The following SGCD variants were observed in gnomAD, a reference collection of about 807,000 sequenced individuals.
SGCD encodes the protein sarcoglycan delta, also known as delta-sarcoglycan.
Under a neutral mutation model 36.6 loss-of-function variants are expected in SGCD, and 18 were observed. The ratio of observed to expected loss-of-function variants is 0.49; its 90% CI spans 0.34 to 0.73. The LOEUF is 0.73. SGCD is among the 30% of genes least tolerant of loss of function. SGCD has a pLI of 0.01. For missense variants in SGCD, 387 were observed against 346.7 expected (o/e 1.12, Z -0.92); for synonymous variants, 133 against 130.6 (o/e 1.02, Z -0.12).
intron 4 of SGCD, among the ~76,000 whole-genome samples, chr5:156,520,056 G>C (rs180806518): frequency 1.3e-5 from 2 of 152,142 alleles, no homozygotes; most frequent in African/African-American, 4.8e-5. Context: ...TATTCAAATA[G>C]GAAGAGAGGA....
At chr5:156,662,245 T>C (rs1234113657) in intron 7 of SGCD, among the ~76,000 whole-genome samples, 55 of 127,370 alleles carry the variant, frequency 4.3e-4, no homozygotes, top group East Asian at 6.9e-4. Context: ...CTTATTTCTA[T>C]TTTTTGTGGC....
At chr5:156,524,727 T>A (rs1481016497) in intron 4 of SGCD, among the ~76,000 whole-genome samples, 1 of 152,018 alleles carries the variant, frequency 6.6e-6, no homozygotes, top group African/African-American at 2.4e-5. Flanking sequence ...TACTCTTTGA[T>A]GAACATCTTG....
At chr5:156,349,325 T>C (rs1196214956) in intron 3 of SGCD, among the ~76,000 whole-genome samples, 2 of 151,490 alleles carry the variant, frequency 1.3e-5, no homozygotes, top group Non-Finnish European at 2.9e-5. Flanking sequence ...ACCTATGAAG[T>C]GGGAGAAAAA....
At chr5:156,121,774 G>C (rs1475482299) in intron 2 of SGCD, among the ~76,000 whole-genome samples, 1 of 152,106 alleles carries the variant, frequency 6.6e-6, no homozygotes, top group East Asian at 1.9e-4. Flanking sequence ...TCTAACCCTG[G>C]ATTCCTTTAC....
At chr5:156,445,052 G>C (rs893959574) in intron 3 of SGCD, among the ~76,000 whole-genome samples, 2 of 152,178 alleles carry the variant, frequency 1.3e-5, no homozygotes, top group Non-Finnish European at 2.9e-5. Context: ...CCCAGTGAAT[G>C]TTCCCGCAGA....
intron 3 of SGCD, among the ~76,000 whole-genome samples, chr5:156,236,457 T>C (rs1311431998): frequency 6.6e-6 from 1 of 151,846 alleles, no homozygotes; most frequent in Non-Finnish European, 1.5e-5. Flanking sequence ...TATACTTTTT[T>C]TTTTTTTTTT....
At chr5:156,310,923 T>C (rs753194067) in intron 3 of SGCD, among the ~76,000 whole-genome samples, 3 of 152,138 alleles carry the variant, frequency 2.0e-5, no homozygotes, top group Non-Finnish European at 4.4e-5. Context: ...CCAGGGGACA[T>C]GCTAGTGAGT....
chr5:156,613,579 A>T (rs1363495432), intron 6 of SGCD, among the ~76,000 whole-genome samples: 1 of 152,188 alleles, frequency 6.6e-6, no homozygotes, highest in Non-Finnish European at 1.5e-5. Context: ...GGATCTCAAA[A>T]ATATGGTCCT....
At chr5:155,768,823 G>T in the SGCD span, among the ~76,000 whole-genome samples, 1 of 152,146 alleles carries the variant, frequency 6.6e-6, no homozygotes, top group East Asian at 1.9e-4. Context: ...ATGCGGCTCA[G>T]TGAAAGGGTA....
At chr5:156,351,943 C>T (rs1257040047) in intron 3 of SGCD, among the ~76,000 whole-genome samples, 2 of 151,894 alleles carry the variant, frequency 1.3e-5, no homozygotes, top group African/African-American at 4.8e-5. Flanking sequence ...AACTACATTG[C>T]CTTTCTCTTC....
chr5:156,618,883 C>G (rs1422282314), intron 6 of SGCD, among the ~76,000 whole-genome samples: 1 of 152,080 alleles, frequency 6.6e-6, no homozygotes, highest in Non-Finnish European at 1.5e-5. Flanking sequence ...GCAGACCTTC[C>G]CAGCTGCTCA....
the SGCD span, among the ~76,000 whole-genome samples, chr5:155,735,095 G>T: frequency 2.6e-5 from 4 of 152,170 alleles, no homozygotes; most frequent in African/African-American, 9.7e-5. Flanking sequence ...TTGAAACTTT[G>T]AGCTAATTCT....
chr5:155,880,599 A>G (rs371076251), intron 1 of SGCD, among the ~76,000 whole-genome samples: 11 of 152,278 alleles, frequency 7.2e-5, no homozygotes, highest in African/African-American at 2.6e-4. Context: ...ACATAATATT[A>G]CCATGTATTG....
intron 3 of SGCD, among the ~76,000 whole-genome samples, chr5:156,203,836 A>T (rs1194150669): frequency 2.6e-5 from 4 of 152,142 alleles, no homozygotes; most frequent in Non-Finnish European, 5.9e-5. Flanking sequence ...CAGTACTATG[A>T]CATAGCATAA....
the SGCD span, among the ~76,000 whole-genome samples, chr5:155,844,134 T>C: frequency 1.4e-4 from 21 of 152,176 alleles, 1 homozygote; most frequent in African/African-American, 1.4e-4. Context: ...ACAATCAGCT[T>C]GTGAAGGCCT....
intron 1 of SGCD, among the ~76,000 whole-genome samples, chr5:155,992,749 T>C (rs1758458898): frequency 6.6e-6 from 1 of 152,210 alleles, no homozygotes; most frequent in Admixed American, 6.5e-5. Context: ...AATTTTTTTC[T>C]GCTAGATATT....
chr5:155,956,472 T>G (rs1214972076), intron 1 of SGCD, among the ~76,000 whole-genome samples: 1 of 152,106 alleles, frequency 6.6e-6, no homozygotes, highest in East Asian at 1.9e-4. Flanking sequence ...GGGTAGATAA[T>G]GTAGGCGCTG....
At chr5:156,308,890 T>C (rs547072642) in intron 3 of SGCD, among the ~76,000 whole-genome samples, 3 of 152,140 alleles carry the variant, frequency 2.0e-5, no homozygotes, top group Non-Finnish European at 4.4e-5. Flanking sequence ...GAAATTTTAA[T>C]TTTTTTTCTC....
rs572804535 is a variant in SGCD, at chr5:156,372,896, C to T, written c.192+28219C>T. On this transcript the variant is annotated intron_variant, in intron 3 of 8. Coordinates refer to ENST00000337851, the MANE Select transcript of SGCD (RefSeq NM_000337.6). ...GTTTTGTATTTTCCTTTTATATTCT[C>T]TTCAGGTCTTTCTAGGTGACAATCA... Among the ~76,000 whole-genome samples the T allele has an allele frequency of 8.8e-5, 13 of 147,330 alleles. No homozygotes were observed. The East Asian group carries it at 2.1e-3, about 24-fold the overall frequency.
Sources: gnomAD v4.1 joint callset for allele counts (sites outside exome capture counted in the v4.1 genomes callset) on GRCh38, gnomAD v4.1.1 for gene constraint, MANE v1.5 for transcripts, NCBI Gene and HGNC (gene_info 2026-07-23, HGNC 2026-07-21) for gene names.